Variants in GPSM3 observed in about 807,000 individuals in gnomAD.
The protein encoded by GPSM3 is G protein signaling modulator 3, also known as G protein-signaling modulator 3.
GPSM3 carries 16 observed loss-of-function variants against 20.4 expected under a neutral mutation model. That is an observed-to-expected ratio of 0.78 (90% CI 0.53 to 1.19). The LOEUF (loss-of-function observed/expected upper bound fraction) is 1.19, where lower values mean the gene tolerates loss of function less well. Ranked by LOEUF, GPSM3 falls within the 50% of genes most tolerant of loss-of-function variation. The probability of loss-of-function intolerance (pLI) is 0.00; values close to 1 mark genes in which losing one functional copy is unlikely to be tolerated. For missense variants in GPSM3, 177 were observed against 204.6 expected (o/e 0.86, Z 0.82); for synonymous variants, 70 against 79.6 (o/e 0.88, Z 0.64).
At position 32,192,425 on chromosome 6, in the gene GPSM3, T is replaced by C; in HGVS notation, c.42+47A>G. On this transcript the variant is annotated intron_variant, in intron 1 of 3. Coordinates refer to ENST00000375040, the MANE Select transcript of GPSM3 (RefSeq NM_001276501.2). This position sits in a 1 kb window ranked among gnomAD's most constrained non-coding sequence, Gnocchi z 5.1. ...CATTTCTGCCCCAGGTCCTCTCACCTCCCTTCTTTCCCAGTGTCAGCCTCC... is the reference window on the plus strand; with the variant it reads ...CATTTCTGCCCCAGGTCCTCTCACCCCCCTTCTTTCCCAGTGTCAGCCTCC... 6.4e-7 allele frequency: 1 copy of C among 1,558,668 alleles called. No homozygotes were observed. The highest frequency in any genetic ancestry group is 1.2e-5 in the South Asian group (1 of 85,226).
chr6:32,195,074 A>G, upstream of GPSM3: 1 of 284,924 alleles, frequency 3.5e-6, no homozygotes. The surrounding 1 kb of genome is among the most constrained non-coding windows in gnomAD (Gnocchi z 5.4). Flanking sequence ...GGCAGTGGGG[A>G]CAATGGATCA....
At chr6:32,195,370 G>C (rs1007388429), upstream of GPSM3, 154 of 1,460,002 alleles carry the variant, frequency 1.1e-4, no homozygotes, top group Non-Finnish European at 6.3e-5. This position sits in a 1 kb window ranked among gnomAD's most constrained non-coding sequence, Gnocchi z 5.4. Flanking sequence ...CTTAAAACCA[G>C]GAAGGCCTTC....
At chr6:32,192,814 G>A, upstream of GPSM3, 1 of 364,044 alleles carries the variant, frequency 2.7e-6, no homozygotes, top group Non-Finnish European at 4.9e-6. The surrounding 1 kb of genome is among the most constrained non-coding windows in gnomAD (Gnocchi z 5.1). Flanking sequence ...CTCATGGTGG[G>A]GAAGGACTCC....
At position 32,192,327 on chromosome 6, in the gene GPSM3, G is replaced by T; in HGVS notation, c.43-77C>A. 7.4e-7 allele frequency: 1 copy of T among 1,355,842 alleles called. No homozygotes were observed. Among genetic ancestry groups the T allele is most frequent in the Non-Finnish European group, 1.0e-6 (1 of 981,910 alleles). 84.0% of individuals were successfully genotyped at this position (1,355,842 alleles called of 1,614,324 possible). A position where few individuals can be genotyped will look rare whatever the true frequency, so the allele number is the denominator to read the frequency against. ...GGAGTGGACAGGGGGCTAGGCCAGT[G>T]GCCCGTTTCCTCTCTGTGTGTCTCT... On this transcript the variant is annotated intron_variant, in intron 1 of 3. Coordinates refer to ENST00000375040, the MANE Select transcript of GPSM3 (RefSeq NM_001276501.2). This position sits in a 1 kb window ranked among gnomAD's most constrained non-coding sequence, Gnocchi z 5.1.
chr6:32,195,133 CAT>C, upstream of GPSM3: 1 of 435,088 alleles, frequency 2.3e-6, no homozygotes, highest in Non-Finnish European at 4.1e-6. This position sits in a 1 kb window ranked among gnomAD's most constrained non-coding sequence, Gnocchi z 5.4. Flanking sequence ...TCTTACATCC[CAT>C]ATGCCTGCAA....
Position 32,191,892 on chromosome 6 carries a change from C to A in GPSM3, c.162G>T (p.Ser54=). 1 of 1,610,746 alleles carries A rather than the reference C, an allele frequency of 6.2e-7. No homozygotes were observed. Among genetic ancestry groups the A allele is most frequent in the South Asian group, 1.1e-5 (1 of 90,966 alleles). The change falls in exon 3 of 4, where the codon TCG becomes TCT. Residue 54 remains serine (S), a synonymous_variant. Transcript: ENST00000375040. This position sits in a 1 kb window ranked among gnomAD's most constrained non-coding sequence, Gnocchi z 5.9. The part of the protein sequence containing the change: ...GTRHTALGPR[S]ASLLSLQTEL... ...CAGTCTGCAGGGAGAGCAGGGAGGC[C>A]GAGCGGGGTCCCAGGGCTGGGGAGA...
chr6:32,191,658 G>A lies in GPSM3; in HGVS notation c.345+51C>T, dbSNP rs1787524439. The A allele has an allele frequency of 1.3e-6, 2 of 1,518,840 alleles. No individual in the cohort carries two copies. The highest frequency in any genetic ancestry group is 2.3e-5 in the East Asian group (1 of 44,152). The allele number at this position is 1,518,840 out of a possible 1,614,324, so 94.1% of individuals were successfully genotyped here. A position where few individuals can be genotyped will look rare whatever the true frequency, so the allele number is the denominator to read the frequency against. ...CAGGAGTAGAGCCCCAAAGAGAACA[G>A]GGGCCAAGAGACCAGGAGGCCTGGG... On this transcript the variant is annotated intron_variant, in intron 3 of 3. Coordinates refer to ENST00000375040, the MANE Select transcript of GPSM3 (RefSeq NM_001276501.2). This position sits in a 1 kb window ranked among gnomAD's most constrained non-coding sequence, Gnocchi z 5.9.
upstream of GPSM3, chr6:32,195,397 G>A: frequency 1.3e-6 from 2 of 1,522,772 alleles, no homozygotes; most frequent in Non-Finnish European, 1.8e-6. The surrounding 1 kb of genome is among the most constrained non-coding windows in gnomAD (Gnocchi z 5.4). Flanking sequence ...GCCTTTTAAT[G>A]GGTAATCATT....
chr6:32,191,351 G>GT lies in GPSM3; in HGVS notation c.*14dup, dbSNP rs1561899772. ...TGAGACCAGTGGCAAGGAAGGGCTG[G>GT]TTGGGGCTCAAGTCTCAGCAGGTGT... On this transcript the variant is annotated 3_prime_UTR_variant, in exon 4 of 4. Coordinates refer to ENST00000375040, the MANE Select transcript of GPSM3 (RefSeq NM_001276501.2). This position sits in a 1 kb window ranked among gnomAD's most constrained non-coding sequence, Gnocchi z 5.9. The GT allele has an allele frequency of 6.4e-7, 1 of 1,574,362 alleles. No individual in the cohort carries two copies. The highest frequency in any genetic ancestry group is 8.6e-7 in the Non-Finnish European group (1 of 1,166,400).
At chr6:32,193,311 GGAACATGGT>G, upstream of GPSM3, among the ~76,000 whole-genome samples, 1 of 152,108 alleles carries the variant, frequency 6.6e-6, no homozygotes, top group African/African-American at 2.4e-5. This position sits in a 1 kb window ranked among gnomAD's most constrained non-coding sequence, Gnocchi z 4.7. Context: ...ACCAGCCTGG[GGAACATGGT>G]GAAACCCCAT....
rs1211881305 is a variant in GPSM3, at chr6:32,191,982, G to C, written c.146-74C>G. 5 of 1,437,810 alleles carry C rather than the reference G, an allele frequency of 3.5e-6. No homozygotes were observed. Among genetic ancestry groups the C allele is most frequent in the South Asian group, 1.2e-5 (1 of 85,822 alleles). The allele number at this position is 1,437,810 out of a possible 1,614,324, so 89.1% of individuals were successfully genotyped here. A position where few individuals can be genotyped will look rare whatever the true frequency, so the allele number is the denominator to read the frequency against. On this transcript the variant is annotated intron_variant, in intron 2 of 3. Coordinates refer to ENST00000375040, the MANE Select transcript of GPSM3 (RefSeq NM_001276501.2). This position sits in a 1 kb window ranked among gnomAD's most constrained non-coding sequence, Gnocchi z 5.9. ...CAGGAGCCGTGGGGGAGTGTGGACA[G>C]GGTGACGTGATTAGGGACTTTGGAT...
upstream of GPSM3, chr6:32,195,502 G>C: frequency 7.4e-6 from 12 of 1,612,988 alleles, no homozygotes; most frequent in Non-Finnish European, 1.0e-5. The surrounding 1 kb of genome is among the most constrained non-coding windows in gnomAD (Gnocchi z 5.4). Flanking sequence ...CCACAGTCAA[G>C]TTGAGGTGAT....
At chr6:32,194,852 A>C (rs776254898), upstream of GPSM3, 7 of 233,192 alleles carry the variant, frequency 3.0e-5, no homozygotes, top group Non-Finnish European at 5.9e-5. This position sits in a 1 kb window ranked among gnomAD's most constrained non-coding sequence, Gnocchi z 4.5. Flanking sequence ...GTAACACTTC[A>C]AATCAGCTTT....
upstream of GPSM3, chr6:32,195,301 G>A (rs1052459697): frequency 2.3e-5 from 18 of 780,022 alleles, 1 homozygote; most frequent in South Asian, 3.3e-4. This position sits in a 1 kb window ranked among gnomAD's most constrained non-coding sequence, Gnocchi z 5.4. Context: ...GCTCTGGTGG[G>A]CATACATTCA....
At chr6:32,194,494 T>G (rs1464897677), upstream of GPSM3, 1 of 153,870 alleles carries the variant, frequency 6.5e-6, no homozygotes, top group Non-Finnish European at 1.4e-5. This position sits in a 1 kb window ranked among gnomAD's most constrained non-coding sequence, Gnocchi z 4.5. Context: ...CTATGAGAAT[T>G]TAATGCTTAT....
chr6:32,192,542 G>A lies in GPSM3; in HGVS notation c.-29C>T, dbSNP rs1460514815. ...CTAGAGGGGAGAAACTGGTGGGGGA[G>A]GGGTGGCTGGGATTTGGGAGGAGGG... On this transcript the variant is annotated 5_prime_UTR_variant, in exon 1 of 4. Coordinates refer to ENST00000375040, the MANE Select transcript of GPSM3 (RefSeq NM_001276501.2). The surrounding 1 kb of genome is among the most constrained non-coding windows in gnomAD (Gnocchi z 5.1). The A allele has an allele frequency of 6.4e-7, 1 of 1,565,150 alleles. No individual in the cohort carries two copies. The highest frequency in any genetic ancestry group is 1.7e-4 in the Middle Eastern group (1 of 5,984).
At chr6:32,194,934 T>C (rs1016171165), upstream of GPSM3, 1 of 235,406 alleles carries the variant, frequency 4.2e-6, no homozygotes, top group African/African-American at 2.2e-5. This position sits in a 1 kb window ranked among gnomAD's most constrained non-coding sequence, Gnocchi z 4.5. Context: ...ATCCCCACAG[T>C]GGAGTTCTTT....
Position 32,191,269 on chromosome 6 carries a change from A to C in GPSM3, c.*97T>G. ...TATTGAGATTTGTGCCGTGTCTTTCAGTCTCTGGTACCCCTGCCAAGCAAG... is the reference window on the plus strand; with the variant it reads ...TATTGAGATTTGTGCCGTGTCTTTCCGTCTCTGGTACCCCTGCCAAGCAAG... On this transcript the variant is annotated 3_prime_UTR_variant, in exon 4 of 4. Transcript: ENST00000375040. This position sits in a 1 kb window ranked among gnomAD's most constrained non-coding sequence, Gnocchi z 5.9. 3 of 1,377,470 alleles carry C rather than the reference A, an allele frequency of 2.2e-6. No homozygotes were observed. Among genetic ancestry groups the C allele is most frequent in the Non-Finnish European group, 2.9e-6 (3 of 1,017,548 alleles). 85.3% of individuals were successfully genotyped at this position (1,377,470 alleles called of 1,614,324 possible).
chr6:32,194,396 C>T (rs554601057), upstream of GPSM3: 1 of 152,196 alleles, frequency 6.6e-6, no homozygotes, highest in African/African-American at 2.4e-5. The surrounding 1 kb of genome is among the most constrained non-coding windows in gnomAD (Gnocchi z 4.5). Context: ...TGAAACTGTT[C>T]CACCCCAGAT....
Sources: gnomAD v4.1 joint callset for allele counts (sites outside exome capture counted in the v4.1 genomes callset) on GRCh38, gnomAD v4.1.1 for gene constraint, Gnocchi (gnomAD v3.1) non-coding constraint, MANE v1.5 for transcripts, NCBI Gene and HGNC (gene_info 2026-07-23, HGNC 2026-07-21) for gene names.